Variants in LRCH1 observed in about 807,000 individuals in gnomAD.
The protein encoded by LRCH1 is leucine rich repeats and calponin homology domain containing 1, also known as leucine-rich repeat and calponin homology domain-containing protein 1.
LRCH1 carries 23 observed loss-of-function variants against 94.9 expected under a neutral mutation model. The ratio of observed to expected loss-of-function variants is 0.24; its 90% CI spans 0.17 to 0.34. LRCH1 has a LOEUF of 0.34. LRCH1 is among the 10% of genes least tolerant of loss of function. The pLI is 1.00. For missense variants in LRCH1, 790 were observed against 945.9 expected, an observed-to-expected ratio of 0.84 and a Z score of 2.16; for synonymous variants, 364 against 354.9, an observed-to-expected ratio of 1.03 and a Z score of -0.29.
intron 7 of LRCH1, among the ~76,000 whole-genome samples, chr13:46,690,008 T>G (rs61948272): frequency 0.015 from 2,259 of 152,184 alleles, 25 homozygotes; most frequent in Middle Eastern, 0.034. Flanking sequence ...ACTGTGAAAT[T>G]GCAGTTAATA....
At chr13:46,623,811 A>C (rs1366139901) in intron 1 of LRCH1, among the ~76,000 whole-genome samples, 1 of 149,016 alleles carries the variant, frequency 6.7e-6, no homozygotes, top group African/African-American at 2.5e-5. Flanking sequence ...TGCTGCACCC[A>C]TTAACTCGTC....
Position 46,685,966 on chromosome 13 carries a change from A to C in LRCH1, c.747A>C (p.Pro249=). The change falls in exon 5 of 20, where the codon CCA becomes CCC. Residue 249 remains proline, a synonymous_variant. Transcript: ENST00000389797. ...DFSCNKVLVI[P]ICFREMKQLQ... ...CCTGCAACAAAGTGCTCGTGATTCC[A>C]ATTTGTTTTAGAGAGATGAAGCAGC... 6.8e-6 allele frequency: 11 copies of C among 1,610,992 alleles called. No homozygotes were observed. The highest frequency in any genetic ancestry group is 9.3e-6 in the Non-Finnish European group (11 of 1,178,934).
chr13:46,692,319 C>G (rs770991022), intron 7 of LRCH1, among the ~76,000 whole-genome samples: 1 of 152,078 alleles, frequency 6.6e-6, no homozygotes, highest in Non-Finnish European at 1.5e-5. Context: ...GAAAGCCCCA[C>G]CCCGACCCCA....
intron 17 of LRCH1, among the ~76,000 whole-genome samples, 172 bp from the exon 18 acceptor site, chr13:46,728,675 G>A (rs1872948936): frequency 6.6e-6 from 1 of 152,196 alleles, no homozygotes; most frequent in African/African-American, 2.4e-5. Flanking sequence ...TATAAAGAGA[G>A]ATTTTGATAC....
intron 2 of LRCH1, among the ~76,000 whole-genome samples, chr13:46,664,448 C>T (rs1021493906): frequency 6.6e-6 from 1 of 152,188 alleles, no homozygotes; most frequent in African/African-American, 2.4e-5. Flanking sequence ...CATTGTGTCA[C>T]AGTTGCCTAC....
intron 9 of LRCH1, among the ~76,000 whole-genome samples, chr13:46,696,062 GT>G (rs1871163665): frequency 2.6e-5 from 4 of 152,068 alleles, no homozygotes; most frequent in Admixed American, 2.0e-4. Context: ...CCATTGCCTT[GT>G]TTCTGTCCCC....
At chr13:46,620,225 CA>C (rs1241760258) in intron 1 of LRCH1, among the ~76,000 whole-genome samples, 1 of 152,082 alleles carries the variant, frequency 6.6e-6, no homozygotes, top group Non-Finnish European at 1.5e-5. Flanking sequence ...ACTACCAATA[CA>C]AAAGCATGTT....
At chr13:46,699,213 T>G (rs1332647370) in intron 9 of LRCH1, 123 bp from the exon 10 acceptor site, 5 of 719,050 alleles carry the variant, frequency 7.0e-6, no homozygotes, top group African/African-American at 1.7e-5. Flanking sequence ...GATGGCTGTT[T>G]GGCTTGTTTC....
At chr13:46,627,633 T>C (rs2050966331) in intron 1 of LRCH1, among the ~76,000 whole-genome samples, 1 of 152,160 alleles carries the variant, frequency 6.6e-6, no homozygotes, top group African/African-American at 2.4e-5. Flanking sequence ...CCTTAGTGCA[T>C]GCACACACGT....
intron 1 of LRCH1, among the ~76,000 whole-genome samples, chr13:46,557,487 C>G (rs572872577): frequency 2.0e-5 from 3 of 150,536 alleles, no homozygotes; most frequent in African/African-American, 7.2e-5. Flanking sequence ...GTGGAAGGAC[C>G]ACTTGACCCC....
chr13:46,623,659 T>A (rs2050907079), intron 1 of LRCH1, among the ~76,000 whole-genome samples: 1 of 151,328 alleles, frequency 6.6e-6, no homozygotes. Context: ...CCCCCTTTTC[T>A]TGACTCAAAG....
Position 46,586,604 on chromosome 13 carries a change from G to T in LRCH1, c.307+32901G>T, listed in dbSNP as rs530636263. On this transcript the variant is annotated intron_variant, in intron 1 of 19. Transcript: ENST00000389797. ...AACTGATTGTTGTATTTTTAGTAGAGATGGGGTTTCGCCATGTTGCCCAGG... is the reference window on the plus strand; with the variant it reads ...AACTGATTGTTGTATTTTTAGTAGATATGGGGTTTCGCCATGTTGCCCAGG... Among the ~76,000 whole-genome samples, 42 of 152,268 alleles carry T rather than the reference G, an allele frequency of 2.8e-4. No individual in the cohort carries two copies. The East Asian group carries it at 7.2e-3, about 26-fold the overall frequency.
At chr13:46,577,391 C>G (rs998474664) in intron 1 of LRCH1, among the ~76,000 whole-genome samples, 1 of 152,228 alleles carries the variant, frequency 6.6e-6, no homozygotes, top group Non-Finnish European at 1.5e-5. Context: ...AGCCACTGCA[C>G]CTGGCCCCCA....
chr13:46,695,652 T>C (rs1177595186), intron 9 of LRCH1, among the ~76,000 whole-genome samples: 7 of 152,316 alleles, frequency 4.6e-5, no homozygotes, highest in African/African-American at 1.7e-4. Flanking sequence ...TTGGTTCAGG[T>C]TGTGGTGCCC....
chr13:46,712,390 C>T lies in LRCH1; in HGVS notation c.1582-135C>T. On this transcript the variant is annotated intron_variant, in intron 14 of 19. Transcript: ENST00000389797. ...ATCTTTACAAAGTGATTTTTTTTGG[C>T]CAGGACTTCATCACACAGCAGCGAA... 22 of 668,690 alleles carry T rather than the reference C, an allele frequency of 3.3e-5. No individual in the cohort carries two copies. In the South Asian group the frequency reaches 4.2e-4, roughly 13 times the overall value. The allele number at this position is 668,690 out of a possible 1,614,324, so 41.4% of individuals were successfully genotyped here.
chr13:46,620,701 A>G (rs2050869834), intron 1 of LRCH1, among the ~76,000 whole-genome samples: 1 of 152,202 alleles, frequency 6.6e-6, no homozygotes, highest in Non-Finnish European at 1.5e-5. Flanking sequence ...TGGCATAACT[A>G]TATGTGGAAA....
chr13:46,657,512 T>C (rs2051389351), intron 2 of LRCH1, among the ~76,000 whole-genome samples: 5 of 39,528 alleles, frequency 1.3e-4, no homozygotes, highest in African/African-American at 5.5e-4. Context: ...TTTTTTTTTT[T>C]TTTTTTTTTT....
chr13:46,650,092 A>G, intron 1 of LRCH1, 109 bp from the exon 2 acceptor site: 1 of 685,108 alleles, frequency 1.5e-6, no homozygotes, highest in Non-Finnish European at 2.3e-6. Flanking sequence ...AAAAAATGAT[A>G]ATGTTGGTCA....
At chr13:46,697,975 G>A (rs771061137) in intron 9 of LRCH1, among the ~76,000 whole-genome samples, 10 of 152,154 alleles carry the variant, frequency 6.6e-5, no homozygotes, top group South Asian at 2.1e-4. Flanking sequence ...CCAACAAAAC[G>A]AAGTAAGAAC....
Sources: allele counts gnomAD v4.1 joint callset (sites outside exome capture counted in the v4.1 genomes callset), GRCh38; gene constraint gnomAD v4.1.1; transcripts MANE v1.5; gene names NCBI Gene and HGNC (gene_info 2026-07-23, HGNC 2026-07-21).